The following PHKB variants were observed in gnomAD, a reference collection of about 807,000 sequenced individuals.
PHKB encodes the protein phosphorylase kinase regulatory subunit beta.
In PHKB, 122 loss-of-function variants were observed where a neutral mutation model predicts 152.1. The observed-to-expected ratio is 0.80, with a 90% confidence interval of 0.69 to 0.93. The LOEUF (loss-of-function observed/expected upper bound fraction) is 0.93. Among genes scored for constraint, PHKB ranks in the 40% least tolerant of loss-of-function variants. PHKB has a pLI of 0.00. For missense variants in PHKB, 1,304 were observed against 1,328.4 expected (o/e 0.98, Z 0.29); for synonymous variants, 436 against 464.9 (o/e 0.94, Z 0.80).
chr16:47,552,996 C>A (rs1460405841), intron 7 of PHKB, among the ~76,000 whole-genome samples: 2 of 152,162 alleles, frequency 1.3e-5, no homozygotes, highest in Non-Finnish European at 2.9e-5. Flanking sequence ...CTTGGTGAGT[C>A]TGACAATTAT....
chr16:47,671,078 T>G (rs1973630091), intron 26 of PHKB, among the ~76,000 whole-genome samples: 1 of 152,190 alleles, frequency 6.6e-6, no homozygotes, highest in Non-Finnish European at 1.5e-5. Context: ...CTGTAAATAC[T>G]TAAATTTGTA....
At chr16:47,535,460 A>G (rs1018049660) in intron 6 of PHKB, among the ~76,000 whole-genome samples, 1 of 152,164 alleles carries the variant, frequency 6.6e-6, no homozygotes, top group Non-Finnish European at 1.5e-5. Context: ...ATATTACCAT[A>G]GATGTTTTTA....
chr16:47,652,425 G>T (rs1973254138), intron 20 of PHKB, among the ~76,000 whole-genome samples: 1 of 149,628 alleles, frequency 6.7e-6, no homozygotes, highest in Admixed American at 6.6e-5. Flanking sequence ...AGGATTGCTG[G>T]GTTGAATGGT....
intron 16 of PHKB, among the ~76,000 whole-genome samples, chr16:47,643,592 T>C (rs1183536826): frequency 6.6e-6 from 1 of 152,248 alleles, no homozygotes; most frequent in East Asian, 1.9e-4. Flanking sequence ...GTTGTAGCTG[T>C]AGCCTCTGTG....
chr16:47,525,418 G>T (rs1207923983), intron 6 of PHKB, among the ~76,000 whole-genome samples: 1 of 152,148 alleles, frequency 6.6e-6, no homozygotes, highest in African/African-American at 2.4e-5. Flanking sequence ...ATGAAATAAG[G>T]TAAATCTATT....
At chr16:47,691,785 G>A (rs754612376) in intron 27 of PHKB, among the ~76,000 whole-genome samples, 4 of 151,824 alleles carry the variant, frequency 2.6e-5, no homozygotes, top group Non-Finnish European at 5.9e-5. Context: ...TTTTCTGTAA[G>A]TCTGAAATTT....
chr16:47,560,436 C>T (rs1971456832), intron 7 of PHKB, among the ~76,000 whole-genome samples: 1 of 152,170 alleles, frequency 6.6e-6, no homozygotes, highest in Non-Finnish European at 1.5e-5. Flanking sequence ...ATAAAATGCA[C>T]AGGAAAGGTT....
intron 7 of PHKB, among the ~76,000 whole-genome samples, chr16:47,570,873 C>T (rs1971646685): frequency 6.6e-6 from 1 of 151,826 alleles, no homozygotes; most frequent in Non-Finnish European, 1.5e-5. Flanking sequence ...TTCATATTGC[C>T]AGAATTATTT....
intron 16 of PHKB, among the ~76,000 whole-genome samples, chr16:47,647,151 TTCTC>T: frequency 6.6e-6 from 1 of 152,080 alleles, no homozygotes; most frequent in Admixed American, 6.6e-5. Context: ...GAAATGTAGT[TTCTC>T]TCTTGTCGCC....
At position 47,566,426 on chromosome 16, in the gene PHKB, A is replaced by C; in HGVS notation, c.711-13869A>C. 4 of 1,609,332 alleles carry C rather than the reference A, an allele frequency of 2.5e-6. No homozygotes were observed. In the South Asian group the frequency reaches 3.3e-5, roughly 13 times the overall value. The stretch of plus-strand genomic sequence containing the variant: ...TTCTCCTGTTACCTAGAGACTCTTC[A>C]TTGAGACTCAGGGCACTGAGCAGGG... On this transcript the variant is annotated intron_variant, in intron 7 of 30. Coordinates refer to ENST00000323584, the MANE Select transcript of PHKB (RefSeq NM_000293.3).
At chr16:47,544,587 G>T (rs1325250427) in intron 6 of PHKB, among the ~76,000 whole-genome samples, 5 of 152,208 alleles carry the variant, frequency 3.3e-5, no homozygotes, top group African/African-American at 1.2e-4. Flanking sequence ...GTAGAGTTCT[G>T]TAGATGTCTA....
chr16:47,596,464 C>G lies in PHKB; in HGVS notation c.1296C>G (p.Ser432Arg). 1 of 1,613,770 alleles carries G rather than the reference C, an allele frequency of 6.2e-7. No homozygotes were observed. The change falls in exon 13 of 31, where the codon AGC becomes AGG. Residue 432 changes from serine (S) to arginine (R), a missense_variant. By Grantham distance (110) the Ser-to-Arg change is moderately radical. Transcript: ENST00000323584. ...CTGGTAGTCAAAAACGATTTCCTAG[C>G]AACTGTGGCCGTGATGGAAAACTGT... ...NNPGSQKRFP[S>R]NCGRDGKLFL...
At chr16:47,547,635 T>G (rs886993597) in intron 7 of PHKB, 87 bp downstream of exon 7, 1 of 788,668 alleles carries the variant, frequency 1.3e-6, no homozygotes, top group African/African-American at 1.7e-5. Context: ...AGATTGGAAC[T>G]GTGATTCATA....
chr16:47,516,199 T>G (rs911974684), intron 6 of PHKB, among the ~76,000 whole-genome samples: 6 of 152,216 alleles, frequency 3.9e-5, no homozygotes, highest in African/African-American at 1.4e-4. Flanking sequence ...GTGCTGGGAT[T>G]ACAGGAGTGA....
chr16:47,554,164 T>C (rs1971323917), intron 7 of PHKB, among the ~76,000 whole-genome samples: 1 of 152,182 alleles, frequency 6.6e-6, no homozygotes, highest in Admixed American at 6.5e-5. Context: ...GGAAGTTTTA[T>C]GTATAAGCCC....
At chr16:47,520,105 CT>C (rs1828817310) in intron 6 of PHKB, among the ~76,000 whole-genome samples, 2 of 152,094 alleles carry the variant, frequency 1.3e-5, no homozygotes, top group African/African-American at 4.8e-5. Context: ...TGGAACAAAT[CT>C]TTTCTATAAG....
chr16:47,471,101 C>T (rs901296154), intron 1 of PHKB, among the ~76,000 whole-genome samples: 2 of 152,168 alleles, frequency 1.3e-5, no homozygotes, highest in Non-Finnish European at 2.9e-5. Context: ...CTCTCTGTCT[C>T]CTGCAGGGTT....
At chr16:47,677,540 C>G (rs1009905361) in intron 26 of PHKB, among the ~76,000 whole-genome samples, 1 of 152,122 alleles carries the variant, frequency 6.6e-6, no homozygotes, top group Non-Finnish European at 1.5e-5. Context: ...CCTTCTGTGT[C>G]CTGTGTCCTC....
intron 1 of PHKB, among the ~76,000 whole-genome samples, chr16:47,470,020 A>G (rs1287359745): frequency 6.6e-6 from 1 of 152,310 alleles, no homozygotes; most frequent in Non-Finnish European, 1.5e-5. Context: ...TGAGTACTTA[A>G]TGTGTTACAA....
Sources: gnomAD v4.1 joint callset for allele counts (sites outside exome capture counted in the v4.1 genomes callset) on GRCh38, gnomAD v4.1.1 for gene constraint, MANE v1.5 for transcripts, NCBI Gene and HGNC (gene_info 2026-07-23, HGNC 2026-07-21) for gene names.